Variants in SAMD3 observed in about 807,000 individuals in gnomAD.
SAMD3 encodes sterile alpha motif domain containing 3, also known as sterile alpha motif domain-containing protein 3.
In SAMD3, 63 loss-of-function variants were observed where a neutral mutation model predicts 58.5. The ratio of observed to expected loss-of-function variants is 1.08; its 90% CI spans 0.88 to 1.33. The LOEUF (loss-of-function observed/expected upper bound fraction) is 1.33, where lower values mean the gene tolerates loss of function less well. SAMD3 is among the 40% of genes most tolerant of loss of function. The pLI is 0.00. For synonymous variants in SAMD3, 220 were observed against 210.3 expected, an observed-to-expected ratio of 1.05 and a Z score of -0.40; for missense variants, 604 against 608.4, an observed-to-expected ratio of 0.99 and a Z score of 0.08.
intron 1 of SAMD3, among the ~76,000 whole-genome samples, chr6:130,342,598 AC>A (rs1414854487): frequency 6.6e-6 from 1 of 152,282 alleles, no homozygotes; most frequent in East Asian, 1.9e-4. Flanking sequence ...TATCAGCTAG[AC>A]AGGCTTTCAT....
chr6:130,324,013 T>C (rs1486880904), intron 1 of SAMD3, among the ~76,000 whole-genome samples: 1 of 152,082 alleles, frequency 6.6e-6, no homozygotes, highest in East Asian at 1.9e-4. Flanking sequence ...AATGAATAAA[T>C]ACACTCTGGC....
chr6:130,274,080 A>G (rs1774684807), intron 2 of SAMD3, among the ~76,000 whole-genome samples: 1 of 152,202 alleles, frequency 6.6e-6, no homozygotes, highest in South Asian at 2.1e-4. Flanking sequence ...TTCTGATAAT[A>G]AGGTATTCCC....
chr6:130,340,302 C>G (rs1777230035), intron 1 of SAMD3, among the ~76,000 whole-genome samples: 1 of 152,170 alleles, frequency 6.6e-6, no homozygotes, highest in Non-Finnish European at 1.5e-5. Context: ...TGTTTCCTTG[C>G]CTTTTTCTGA....
At chr6:130,169,230 A>ACC (rs201941223) in intron 8 of SAMD3, among the ~76,000 whole-genome samples, 23 of 150,740 alleles carry the variant, frequency 1.5e-4, no homozygotes, top group African/African-American at 4.2e-4. Context: ...AAATGATGGA[A>ACC]CCCCCCCACA....
Position 130,165,795 on chromosome 6 carries a change from A to C in SAMD3, c.822+10046T>G, listed in dbSNP as rs577652679. On this transcript the variant is annotated intron_variant, in intron 8 of 11. Transcript: ENST00000439090. ...TCAAGAAAGTATTAAGAAATTAAGC[A>C]TTTCGGTAAGTATGTTTACATCCTG... Among the ~76,000 whole-genome samples the C allele has an allele frequency of 2.8e-3, 434 of 152,300 alleles. 4 individuals are homozygous for C. Among genetic ancestry groups the C allele is most frequent in the African/African-American group, 8.4e-3 (348 of 41,584 alleles).
At chr6:130,188,701 C>G (rs932083269) in intron 5 of SAMD3, among the ~76,000 whole-genome samples, 2 of 152,146 alleles carry the variant, frequency 1.3e-5, no homozygotes, top group Admixed American at 1.3e-4. Flanking sequence ...GGCCTTTGAC[C>G]ATAACTTTTT....
chr6:130,215,584 C>G, intron 2 of SAMD3: 1 of 1,353,174 alleles, frequency 7.4e-7, no homozygotes, highest in South Asian at 2.1e-5. Flanking sequence ...TAACAGACAG[C>G]CAGGGACATA....
chr6:130,180,953 C>CTTTTGTTTTT (rs1554257134), intron 7 of SAMD3, among the ~76,000 whole-genome samples: 1 of 117,362 alleles, frequency 8.5e-6, no homozygotes. Flanking sequence ...TTCTTTCTTT[C>CTTTTGTTTTT]TTTTTTCTTT....
At chr6:130,294,610 ATTTTTGCAAGGATTAATTTTTTTT>A (rs1775492456) in intron 2 of SAMD3, among the ~76,000 whole-genome samples, 1 of 146,178 alleles carries the variant, frequency 6.8e-6, no homozygotes, top group South Asian at 2.2e-4. Context: ...ATTAATTTTT[ATTTTTGCAAGGATTAATTTTTTTT>A]TTTTTTGCAA....
intron 5 of SAMD3, among the ~76,000 whole-genome samples, chr6:130,197,315 C>T (rs1794223245): frequency 1.3e-5 from 2 of 152,254 alleles, no homozygotes; most frequent in Non-Finnish European, 2.9e-5. Context: ...ACTACTCATA[C>T]ATGCCCTGCT....
chr6:130,177,730 C>T (rs1354020114), intron 7 of SAMD3, among the ~76,000 whole-genome samples: 1 of 152,082 alleles, frequency 6.6e-6, no homozygotes, highest in Non-Finnish European at 1.5e-5. Flanking sequence ...TCTTTTCCCT[C>T]CTTCACTTCC....
chr6:130,336,543 T>C (rs1169276545), intron 1 of SAMD3, among the ~76,000 whole-genome samples: 3 of 152,222 alleles, frequency 2.0e-5, no homozygotes, highest in Non-Finnish European at 4.4e-5. Flanking sequence ...TTTTGTTCCA[T>C]TCTCATATTT....
chr6:130,154,785 C>A, intron 9 of SAMD3, 40 bp downstream of exon 9: 19 of 963,470 alleles, frequency 2.0e-5, no homozygotes, highest in Non-Finnish European at 2.6e-5. Context: ...TGTGTATATA[C>A]ATATATATGT....
intron 5 of SAMD3, among the ~76,000 whole-genome samples, chr6:130,200,517 C>A (rs901799323): frequency 6.9e-5 from 10 of 145,498 alleles, no homozygotes; most frequent in Admixed American, 5.6e-4. Flanking sequence ...CCACTGCACT[C>A]CAGCCAGGGC....
At chr6:130,307,546 T>C (rs1775948821) in intron 2 of SAMD3, among the ~76,000 whole-genome samples, 1 of 152,206 alleles carries the variant, frequency 6.6e-6, no homozygotes, top group South Asian at 2.1e-4. Flanking sequence ...AGGTTTATAA[T>C]TTAATAAAGG....
At chr6:130,193,450 C>A (rs532970435) in intron 5 of SAMD3, among the ~76,000 whole-genome samples, 1 of 151,926 alleles carries the variant, frequency 6.6e-6, no homozygotes, top group Admixed American at 6.6e-5. Context: ...TTCCACGCCC[C>A]GACCTCTTAT....
At chr6:130,155,449 A>G (rs181449493) in intron 8 of SAMD3, among the ~76,000 whole-genome samples, 66 of 152,268 alleles carry the variant, frequency 4.3e-4, no homozygotes, top group Non-Finnish European at 2.4e-4. Context: ...CTGCAGTACC[A>G]TGCCATATAA....
chr6:130,238,623 G>A (rs1445531883), intron 2 of SAMD3, among the ~76,000 whole-genome samples: 1 of 152,122 alleles, frequency 6.6e-6, no homozygotes, highest in African/African-American at 2.4e-5. Flanking sequence ...GAAAGAATAC[G>A]AGCAAGAGGG....
intron 1 of SAMD3, among the ~76,000 whole-genome samples, chr6:130,317,618 A>G (rs898042312): frequency 6.6e-6 from 1 of 152,242 alleles, no homozygotes; most frequent in Admixed American, 6.5e-5. Flanking sequence ...ATGGCAGAAT[A>G]AGTAGAATGG....
Sources: allele counts gnomAD v4.1 joint callset (sites outside exome capture counted in the v4.1 genomes callset), GRCh38; gene constraint gnomAD v4.1.1; transcripts MANE v1.5; gene names NCBI Gene and HGNC (gene_info 2026-07-23, HGNC 2026-07-21).